SHROOM2: variants seen among roughly 807,000 people sequenced by gnomAD.
SHROOM2 encodes the protein protein Shroom2.
A neutral mutation model predicts 75.9 loss-of-function variants in SHROOM2; 33 were observed. That is an observed-to-expected ratio of 0.43 (90% CI 0.33 to 0.58). SHROOM2 has a LOEUF of 0.58. SHROOM2 is among the 20% of genes least tolerant of loss of function. SHROOM2 has a pLI of 0.04. For missense variants in SHROOM2, 1,434 were observed against 1,461.2 expected, an observed-to-expected ratio of 0.98 and a Z score of 0.30; for synonymous variants, 655 against 663.6, an observed-to-expected ratio of 0.99 and a Z score of 0.20.
intron 1 of SHROOM2, among the ~76,000 whole-genome samples, chrX:9,843,948 A>G (rs1257231413): frequency 8.9e-6 from 1 of 112,466 alleles, no homozygotes; most frequent in Non-Finnish European, 1.9e-5. Flanking sequence ...TTGATTTTCT[A>G]ACTTTTCTTA....
chrX:9,819,011 G>T, intron 1 of SHROOM2: 1 of 967,005 alleles, frequency 1.0e-6, no homozygotes, highest in South Asian at 2.0e-5. Flanking sequence ...CCTTGTCTTT[G>T]CCCTTTATAT....
chrX:9,863,946 T>C (rs757992610), intron 1 of SHROOM2, among the ~76,000 whole-genome samples: 10 of 111,502 alleles, frequency 9.0e-5, no homozygotes, highest in Non-Finnish European at 1.3e-4. Context: ...TTGGATTCTT[T>C]TCCAGGTACT....
At chrX:9,841,029 C>T (rs1480324234) in intron 1 of SHROOM2, among the ~76,000 whole-genome samples, 1 of 111,856 alleles carries the variant, frequency 8.9e-6, no homozygotes, top group African/African-American at 3.3e-5. Flanking sequence ...GATCTTGGCT[C>T]ACTGCAACCT....
At chrX:9,871,187 C>CT (rs950431839) in intron 1 of SHROOM2, among the ~76,000 whole-genome samples, 3 of 111,954 alleles carry the variant, frequency 2.7e-5, no homozygotes, top group Non-Finnish European at 5.6e-5. Flanking sequence ...CCTGGATACT[C>CT]TTATTTGGTT....
At position 9,895,271 on chromosome X, in the gene SHROOM2, G is replaced by A. The variant is rs771696352; in HGVS notation, c.1363G>A (p.Asp455Asn). Reference sequence around the variant, plus strand: ...GCCAGGGGCTGCCAGCTTCCAGAACGACAGCCCTCCTCAGGTGAGGGGGCT... The same window carrying A: ...GCCAGGGGCTGCCAGCTTCCAGAACAACAGCCCTCCTCAGGTGAGGGGGCT... ...QEPGAASFQN[D>N]SPPQVRGLSS... Residue 455 changes from aspartate to asparagine, a missense_variant, in exon 4 of 10, where the codon GAC becomes AAC. Coordinates refer to ENST00000380913, the MANE Select transcript of SHROOM2 (RefSeq NM_001649.4). 6.7e-6 allele frequency: 8 copies of A among 1,185,253 alleles called. No homozygotes were observed. Among genetic ancestry groups the A allele is most frequent in the South Asian group, 1.9e-5 (1 of 52,602 alleles).
chrX:9,890,118 G>A (rs781307953), intron 2 of SHROOM2, among the ~76,000 whole-genome samples: 78 of 112,849 alleles, frequency 6.9e-4, no homozygotes, highest in Non-Finnish European at 1.3e-3. Context: ...TGTAATCCCA[G>A]TACTTTGGGA....
intron 4 of SHROOM2, among the ~76,000 whole-genome samples, chrX:9,897,014 CTA>C (rs1186332635): frequency 8.9e-6 from 1 of 112,257 alleles, no homozygotes; most frequent in African/African-American, 3.2e-5. Context: ...GAGGGAGAAA[CTA>C]TGGAAAATGA....
At chrX:9,940,707 C>T (rs1188470368) in intron 8 of SHROOM2, among the ~76,000 whole-genome samples, 3 of 112,597 alleles carry the variant, frequency 2.7e-5, no homozygotes, top group Admixed American at 1.9e-4. Flanking sequence ...TCCTGCAACG[C>T]GTGCACAGGC....
Position 9,814,188 on chromosome X carries a change from G to A in SHROOM2, c.165+27478G>A, listed in dbSNP as rs758873523. ...TCTACATTAAACCAAGGGAGATCAG[G>A]CATTTCCAGCTCACTCCCAGTGGGC... On this transcript the variant is annotated intron_variant, in intron 1 of 9. Transcript: ENST00000380913. Among the ~76,000 whole-genome samples, 4 of 111,397 alleles carry A rather than the reference G, an allele frequency of 3.6e-5. No homozygotes were observed. The South Asian group carries it at 1.2e-3, about 32-fold the overall frequency.
At chrX:9,826,173 A>G (rs1451334036) in intron 1 of SHROOM2, among the ~76,000 whole-genome samples, 1 of 111,898 alleles carries the variant, frequency 8.9e-6, no homozygotes, top group East Asian at 2.8e-4. Flanking sequence ...TTCTCAGTGA[A>G]TGTGTTATGC....
Position 9,949,437 on chromosome X carries a change from A to T in SHROOM2, c.*2500A>T, listed in dbSNP as rs1475733299. On this transcript the variant is annotated 3_prime_UTR_variant, in exon 10 of 10. Coordinates refer to ENST00000380913, the MANE Select transcript of SHROOM2 (RefSeq NM_001649.4). ...GTAACAAAATAAATAGTGTCTCTTC[A>T]AGTGAATGGAGATGTCTTTGATTTA... 4 of 329,030 alleles carry T rather than the reference A, an allele frequency of 1.2e-5. No individual in the cohort carries two copies. Among genetic ancestry groups the T allele is most frequent in the African/African-American group, 2.7e-5 (1 of 37,544 alleles). The allele number at this position is 329,030 out of a possible 1,213,427, so 27.1% of individuals were successfully genotyped here. A position where few individuals can be genotyped will look rare whatever the true frequency, so the allele number is the denominator to read the frequency against.
At chrX:9,933,160 C>T (rs1017911916) in intron 6 of SHROOM2, among the ~76,000 whole-genome samples, 1 of 111,014 alleles carries the variant, frequency 9.0e-6, no homozygotes, top group Non-Finnish European at 1.9e-5. Context: ...GCATTACCCA[C>T]AGGCATCTGC....
chrX:9,949,238 C>T lies in SHROOM2; in HGVS notation c.*2301C>T, dbSNP rs933723479. ...AATCAATCTGGTGCTAATGGTTGGCCCTGGTGTTGTTGGGTGGCAGCTGCT... is the reference window on the plus strand; with the variant it reads ...AATCAATCTGGTGCTAATGGTTGGCTCTGGTGTTGTTGGGTGGCAGCTGCT... On this transcript the variant is annotated 3_prime_UTR_variant, in exon 10 of 10. Coordinates refer to ENST00000380913, the MANE Select transcript of SHROOM2 (RefSeq NM_001649.4). 1 of 302,442 alleles carries T rather than the reference C, an allele frequency of 3.3e-6. No individual in the cohort carries two copies. Among genetic ancestry groups the T allele is most frequent in the Admixed American group, 3.5e-5 (1 of 28,518 alleles). 24.9% of individuals were successfully genotyped at this position (302,442 alleles called of 1,213,427 possible).
At chrX:9,824,570 C>A (rs932112151) in intron 1 of SHROOM2, among the ~76,000 whole-genome samples, 4 of 112,233 alleles carry the variant, frequency 3.6e-5, no homozygotes, top group African/African-American at 1.3e-4. Flanking sequence ...CTCTCTTCCT[C>A]CCCTCCCCAC....
At chrX:9,863,253 A>G (rs1450457651) in intron 1 of SHROOM2, among the ~76,000 whole-genome samples, 1 of 109,814 alleles carries the variant, frequency 9.1e-6, no homozygotes, top group Non-Finnish European at 1.9e-5. Context: ...CTGTCTGCCA[A>G]CTCAGTCTCC....
chrX:9,793,371 C>T (rs2083677925), intron 1 of SHROOM2, among the ~76,000 whole-genome samples: 1 of 109,268 alleles, frequency 9.2e-6, no homozygotes, highest in South Asian at 4.1e-4. Flanking sequence ...CTCACTGCAA[C>T]CTCCACCTCT....
At position 9,913,948 on chromosome X, in the gene SHROOM2, C is replaced by T. The variant is rs750294184; in HGVS notation, c.2891+15658C>T. On this transcript the variant is annotated intron_variant, in intron 5 of 9. Coordinates refer to ENST00000380913, the MANE Select transcript of SHROOM2 (RefSeq NM_001649.4). The stretch of plus-strand genomic sequence containing the variant: ...ACAAGTATTTCTTATTATTTTATTG[C>T]GGAAAAGCATTGCATGGGTGGTAGA... 8.1e-5 allele frequency among the ~76,000 whole-genome samples: 9 copies of T among 111,338 alleles called. No homozygotes were observed. In the East Asian group the frequency reaches 8.4e-4, roughly 10 times the overall value.
In SHROOM2 at chrX:9,916,118, A is replaced by G. The variant is rs1263789378; in HGVS notation, c.2892-16057A>G. Among the ~76,000 whole-genome samples, 5 of 112,296 alleles carry G rather than the reference A, an allele frequency of 4.5e-5. No homozygotes were observed. In the East Asian group the frequency reaches 1.4e-3, roughly 31 times the overall value. On this transcript the variant is annotated intron_variant, in intron 5 of 9. Coordinates refer to ENST00000380913, the MANE Select transcript of SHROOM2 (RefSeq NM_001649.4). Reference sequence around the variant, plus strand: ...CCTATTTTAAAAATCAATTTTGCTAATTAAAACCTTTTTATTAAGAATATA... The same window carrying G: ...CCTATTTTAAAAATCAATTTTGCTAGTTAAAACCTTTTTATTAAGAATATA...
chrX:9,933,289 T>C (rs16998787), intron 6 of SHROOM2, among the ~76,000 whole-genome samples: 2,080 of 111,166 alleles, frequency 0.019, 31 homozygotes, highest in African/African-American at 0.058. Context: ...TTTTTCATGG[T>C]GTCCAGTATT....
Sources: gnomAD v4.1 joint callset for allele counts (sites outside exome capture counted in the v4.1 genomes callset) on GRCh38, gnomAD v4.1.1 for gene constraint, MANE v1.5 for transcripts, NCBI Gene and HGNC (gene_info 2026-07-23, HGNC 2026-07-21) for gene names.